The following RMDN2 variants were observed in gnomAD, a reference collection of about 807,000 sequenced individuals.
RMDN2 encodes regulator of microtubule dynamics protein 2.
RMDN2 carries 61 observed loss-of-function variants against 52.8 expected under a neutral mutation model. The observed-to-expected ratio is 1.16, with a 90% CI of 0.94 to 1.43. RMDN2 has a LOEUF of 1.43. Among genes scored for constraint, RMDN2 ranks in the 40% most tolerant of loss-of-function variants. The pLI is 0.00. For missense variants in RMDN2, 592 were observed against 475.3 expected, an observed-to-expected ratio of 1.25 and a Z score of -2.28; for synonymous variants, 180 against 153.1, an observed-to-expected ratio of 1.18 and a Z score of -1.30.
chr2:38,012,853 C>A (rs148660926), intron 10 of RMDN2, among the ~76,000 whole-genome samples: 9 of 152,228 alleles, frequency 5.9e-5, no homozygotes, highest in Admixed American at 2.0e-4. Context: ...TTTACTCTCT[C>A]GTGTGACATT....
downstream of RMDN2, among the ~76,000 whole-genome samples, chr2:38,021,023 A>G (rs1679326608): frequency 1.3e-5 from 2 of 152,184 alleles, no homozygotes; most frequent in South Asian, 4.1e-4. Context: ...GGGATTGTAA[A>G]TACACCAATC....
intron 10 of RMDN2, chr2:38,036,553 C>T (rs1680593929): frequency 6.6e-6 from 1 of 152,170 alleles, no homozygotes; most frequent in Non-Finnish European, 1.5e-5. Flanking sequence ...GCCACCCTGT[C>T]CAACTGCAGG....
At chr2:37,992,740 T>C (rs1372261061) in intron 7 of RMDN2, among the ~76,000 whole-genome samples, 1 of 152,184 alleles carries the variant, frequency 6.6e-6, no homozygotes, top group African/African-American at 2.4e-5. Context: ...GCAGTAGTAA[T>C]AATGGCTAAT....
intron 10 of RMDN2, among the ~76,000 whole-genome samples, chr2:38,008,499 G>A (rs1194866312): frequency 6.6e-6 from 1 of 152,136 alleles, no homozygotes; most frequent in African/African-American, 2.4e-5. Flanking sequence ...TTGGTTTAAA[G>A]TCTGTTTTCT....
chr2:37,965,895 A>T (rs1279674052), intron 2 of RMDN2, among the ~76,000 whole-genome samples: 1 of 152,176 alleles, frequency 6.6e-6, no homozygotes, highest in Non-Finnish European at 1.5e-5. Context: ...AATCTCAGGT[A>T]ACAGGTTTCT....
chr2:37,950,849 A>T (rs1668688272), intron 2 of RMDN2, among the ~76,000 whole-genome samples: 1 of 152,124 alleles, frequency 6.6e-6, no homozygotes, highest in South Asian at 2.1e-4. Flanking sequence ...TCCAACAGAT[A>T]TTGTGGTTTA....
At chr2:37,988,898 C>T (rs1383778296) in intron 5 of RMDN2, among the ~76,000 whole-genome samples, 4 of 152,076 alleles carry the variant, frequency 2.6e-5, no homozygotes, top group African/African-American at 9.7e-5. Flanking sequence ...TTTGTATTCT[C>T]AGTGGAAACA....
At chr2:37,968,068 A>C (rs778062912) in intron 2 of RMDN2, among the ~76,000 whole-genome samples, 42 of 152,166 alleles carry the variant, frequency 2.8e-4, no homozygotes, top group Non-Finnish European at 5.1e-4. Context: ...AGATGACATA[A>C]AATTTCAGGA....
At chr2:37,959,812 C>T (rs933120783) in intron 2 of RMDN2, among the ~76,000 whole-genome samples, 1 of 150,924 alleles carries the variant, frequency 6.6e-6, no homozygotes, top group Admixed American at 6.6e-5. Context: ...CCTCTAATCA[C>T]TGCGTTAGCT....
At chr2:37,985,356 T>C (rs1241052445) in intron 5 of RMDN2, among the ~76,000 whole-genome samples, 1 of 151,334 alleles carries the variant, frequency 6.6e-6, no homozygotes, top group Non-Finnish European at 1.5e-5. Context: ...CAGATTTTTC[T>C]AAAAAGGTGA....
rs578066635 is a variant in RMDN2 at position 37,987,202 on chromosome 2, A to G, written c.792-2339A>G. Among the ~76,000 whole-genome samples the G allele has an allele frequency of 3.3e-5, 5 of 152,324 alleles. No homozygotes were observed. The South Asian group carries it at 6.2e-4, about 19-fold the overall frequency. ...AGAAGTGGAGTTTGAAATTAAAAAC[A>G]TAACACTATTTACATTAGCACCAAA... On this transcript the variant is annotated intron_variant, in intron 5 of 10. Transcript: ENST00000354545.
chr2:37,980,968 T>G (rs1217666064), intron 4 of RMDN2, among the ~76,000 whole-genome samples: 1 of 152,250 alleles, frequency 6.6e-6, no homozygotes, highest in Non-Finnish European at 1.5e-5. Context: ...ACAGAAAATT[T>G]CTATTACGCT....
chr2:37,922,158 T>G (rs929279105), upstream of RMDN2, among the ~76,000 whole-genome samples: 2 of 152,200 alleles, frequency 1.3e-5, no homozygotes, highest in African/African-American at 2.4e-5. Flanking sequence ...AATACTTTCT[T>G]AAAACCAGCC....
intron 2 of RMDN2, among the ~76,000 whole-genome samples, chr2:37,965,973 TCTG>T (rs1670985594): frequency 6.6e-6 from 1 of 152,232 alleles, no homozygotes; most frequent in Non-Finnish European, 1.5e-5. Flanking sequence ...TGCTGAGAAA[TCTG>T]CTGATGATTT....
At chr2:38,026,112 T>C (rs7559170) in intron 10 of RMDN2, among the ~76,000 whole-genome samples, 44,469 of 152,016 alleles carry the variant, frequency 0.29, 7,136 homozygotes, top group East Asian at 0.67. Flanking sequence ...TCAAGTACAA[T>C]TTCAACTTCA....
intron 10 of RMDN2, among the ~76,000 whole-genome samples, chr2:38,037,565 G>A (rs1303833261): frequency 6.6e-6 from 1 of 152,226 alleles, no homozygotes; most frequent in Admixed American, 6.5e-5. Flanking sequence ...TCATCACATA[G>A]CAAACTGCCC....
At position 37,967,100 on chromosome 2, in the gene RMDN2, C is replaced by T. The variant is rs79955480; in HGVS notation, c.453-6940C>T. Among the ~76,000 whole-genome samples, 269 of 151,980 alleles carry T rather than the reference C, an allele frequency of 1.8e-3. 4 individuals are homozygous for T. In the East Asian group the frequency reaches 0.043, roughly 24 times the overall value. Reference sequence around the variant, plus strand: ...GGATGAGGTGATGTTAAAGATGAAGCCCACAGAGACACTTCCACATCAATT... The same window carrying T: ...GGATGAGGTGATGTTAAAGATGAAGTCCACAGAGACACTTCCACATCAATT... On this transcript the variant is annotated intron_variant, in intron 2 of 10. Coordinates refer to ENST00000354545, the MANE Select transcript of RMDN2 (RefSeq NM_001170791.3).
At chr2:37,945,014 G>A (rs1668108320) in intron 2 of RMDN2, among the ~76,000 whole-genome samples, 2 of 152,138 alleles carry the variant, frequency 1.3e-5, no homozygotes, top group African/African-American at 4.8e-5. Flanking sequence ...TTAGGTATTG[G>A]GATAACGTCG....
upstream of RMDN2, among the ~76,000 whole-genome samples, chr2:37,922,872 G>C (rs187200350): frequency 1.1e-3 from 166 of 152,330 alleles, no homozygotes; most frequent in African/African-American, 3.7e-3. Flanking sequence ...AAAGGATACA[G>C]CTTGTGGAGA....
Sources: allele counts gnomAD v4.1 joint callset (sites outside exome capture counted in the v4.1 genomes callset), GRCh38; gene constraint gnomAD v4.1.1; transcripts MANE v1.5; gene names NCBI Gene and HGNC (gene_info 2026-07-23, HGNC 2026-07-21).